KIAA1549L: variants seen among roughly 807,000 people sequenced by gnomAD.
KIAA1549L encodes the protein KIAA1549 like.
In KIAA1549L, 88 loss-of-function variants were observed where a neutral mutation model predicts 160.7. The ratio of observed to expected loss-of-function variants is 0.55; its 90% confidence interval spans 0.46 to 0.65. The LOEUF (loss-of-function observed/expected upper bound fraction) is 0.65, where lower values mean the gene tolerates loss of function less well. Among genes scored for constraint, KIAA1549L ranks in the 30% least tolerant of loss-of-function variants. The probability of loss-of-function intolerance (pLI) is 0.00; values close to 1 mark genes in which losing one functional copy is unlikely to be tolerated. For missense variants in KIAA1549L, 2,258 were observed against 2,437.5 expected, an observed-to-expected ratio of 0.93 and a Z score of 1.55; for synonymous variants, 950 against 976.7, an observed-to-expected ratio of 0.97 and a Z score of 0.51.
At chr11:33,583,940 C>T (rs1032695724) in intron 11 of KIAA1549L, among the ~76,000 whole-genome samples, 4 of 152,250 alleles carry the variant, frequency 2.6e-5, no homozygotes, top group Admixed American at 1.3e-4. Context: ...ATGTTCTGAA[C>T]GTTGTGGTCC....
intron 16 of KIAA1549L, among the ~76,000 whole-genome samples, chr11:33,623,293 TA>T (rs1007038881): frequency 6.6e-6 from 1 of 152,156 alleles, no homozygotes; most frequent in Admixed American, 6.5e-5. Context: ...TTTTGTCCTT[TA>T]TTCTAGAAGC....
intron 15 of KIAA1549L, among the ~76,000 whole-genome samples, chr11:33,614,557 TATATATATATATATATATATA>T (rs1850743142): frequency 1.3e-4 from 2 of 15,338 alleles, no homozygotes; most frequent in Non-Finnish European, 2.5e-4. Context: ...TATATATATA[TATATATATATATATATATATA>T]TATATATTTT....
chr11:33,580,848 A>G (rs1394253686), intron 10 of KIAA1549L, among the ~76,000 whole-genome samples: 1 of 152,166 alleles, frequency 6.6e-6, no homozygotes, highest in East Asian at 1.9e-4. Context: ...TGCTATGGAG[A>G]AAATTGGGCA....
At position 33,664,907 on chromosome 11, in the gene KIAA1549L, G is replaced by T. The variant is rs1031515377; in HGVS notation, c.6160-2966G>T. Among the ~76,000 whole-genome samples, 14 of 152,358 alleles carry T rather than the reference G, an allele frequency of 9.2e-5. No homozygotes were observed. The East Asian group carries it at 2.3e-3, about 25-fold the overall frequency. On this transcript the variant is annotated intron_variant, in intron 20 of 20. Transcript: ENST00000658780. The stretch of plus-strand genomic sequence containing the variant: ...GCATTGCTGTTAAGCATGGGAACAG[G>T]CTGTATTTCTCAGAAGTGTGACATT...
At chr11:33,397,742 ACACACACACACAC>A (rs1850412670) in intron 1 of KIAA1549L, among the ~76,000 whole-genome samples, 1 of 151,032 alleles carries the variant, frequency 6.6e-6, no homozygotes, top group African/African-American at 2.5e-5. Context: ...ACACACACAC[ACACACACACACAC>A]AAAAGTGAAA....
At chr11:33,465,663 A>G (rs886770433) in intron 1 of KIAA1549L, among the ~76,000 whole-genome samples, 1 of 152,254 alleles carries the variant, frequency 6.6e-6, no homozygotes, top group Non-Finnish European at 1.5e-5. Context: ...CTAATGGAAC[A>G]GAACAGAGGC....
At chr11:33,455,146 A>G (rs1851797325) in intron 1 of KIAA1549L, among the ~76,000 whole-genome samples, 2 of 152,184 alleles carry the variant, frequency 1.3e-5, no homozygotes, top group Admixed American at 1.3e-4. Context: ...GTTTAGCAAA[A>G]CAAAGGTTTA....
At chr11:33,622,592 G>A (rs547389598) in intron 16 of KIAA1549L, among the ~76,000 whole-genome samples, 3 of 152,312 alleles carry the variant, frequency 2.0e-5, no homozygotes, top group East Asian at 3.9e-4. Context: ...GCACACAAGT[G>A]CATCTAACTG....
At chr11:33,459,851 C>G (rs1851904621) in intron 1 of KIAA1549L, among the ~76,000 whole-genome samples, 1 of 147,518 alleles carries the variant, frequency 6.8e-6, no homozygotes, top group African/African-American at 2.5e-5. Context: ...GTCCCAGCTA[C>G]TTGGGAGGCT....
chr11:33,517,994 G>T (rs945323339), intron 1 of KIAA1549L, among the ~76,000 whole-genome samples: 1 of 151,824 alleles, frequency 6.6e-6, no homozygotes, highest in Admixed American at 6.6e-5. Flanking sequence ...ACAAAAATTA[G>T]CCAGGTGTGG....
chr11:33,655,853 TG>T (rs1467013169), intron 17 of KIAA1549L, among the ~76,000 whole-genome samples, 158 bp from the exon 18 acceptor site: 1 of 152,064 alleles, frequency 6.6e-6, no homozygotes, highest in Non-Finnish European at 1.5e-5. Context: ...GTAGAAGAGA[TG>T]GCTGGAAACA....
intron 1 of KIAA1549L, among the ~76,000 whole-genome samples, chr11:33,519,831 C>T (rs1258118310): frequency 4.6e-5 from 7 of 152,166 alleles, no homozygotes. Flanking sequence ...GAGGCTGCCA[C>T]TCTGGTGCCC....
At chr11:33,495,373 G>A (rs200112125) in intron 1 of KIAA1549L, among the ~76,000 whole-genome samples, 30,601 of 150,580 alleles carry the variant, frequency 0.2, 3,299 homozygotes, top group East Asian at 0.33. Context: ...GAGAATATGC[G>A]GTGTTTGGTT....
At chr11:33,528,765 A>G (rs1390344185) in intron 1 of KIAA1549L, among the ~76,000 whole-genome samples, 1 of 152,206 alleles carries the variant, frequency 6.6e-6, no homozygotes, top group East Asian at 1.9e-4. Flanking sequence ...TATAAGCAGA[A>G]GCTAAGCTAT....
chr11:33,639,197 G>A (rs1851520627), intron 16 of KIAA1549L, among the ~76,000 whole-genome samples: 1 of 152,194 alleles, frequency 6.6e-6, no homozygotes, highest in African/African-American at 2.4e-5. Context: ...TTTTCTTCAA[G>A]TTTGTTCTCA....
chr11:33,398,651 T>C (rs1413036022), intron 1 of KIAA1549L, among the ~76,000 whole-genome samples: 4 of 152,232 alleles, frequency 2.6e-5, no homozygotes, highest in African/African-American at 7.2e-5. Context: ...TCTTCTTCCA[T>C]TCATAACCTA....
intron 1 of KIAA1549L, among the ~76,000 whole-genome samples, chr11:33,474,015 C>G (rs1852235290): frequency 6.6e-6 from 1 of 152,108 alleles, no homozygotes; most frequent in African/African-American, 2.4e-5. Flanking sequence ...GAAAGTGCAC[C>G]AGCATCTCAC....
intron 1 of KIAA1549L, among the ~76,000 whole-genome samples, chr11:33,504,177 C>A (rs1853023143): frequency 6.6e-6 from 1 of 152,008 alleles, no homozygotes; most frequent in African/African-American, 2.4e-5. Context: ...AGGAGAATTG[C>A]TCGAACCGGG....
chr11:33,413,943 G>C (rs1429994686), intron 1 of KIAA1549L, among the ~76,000 whole-genome samples: 1 of 152,108 alleles, frequency 6.6e-6, no homozygotes, highest in African/African-American at 2.4e-5. Context: ...ATTAGAGCAG[G>C]GATCTGACAA....
Sources: allele counts gnomAD v4.1 joint callset (sites outside exome capture counted in the v4.1 genomes callset), GRCh38; gene constraint gnomAD v4.1.1; transcripts MANE v1.5; gene names NCBI Gene and HGNC (gene_info 2026-07-23, HGNC 2026-07-21).